The following UGCG variants were observed in gnomAD, a reference collection of about 807,000 sequenced individuals.
UGCG encodes UDP-glucose ceramide glucosyltransferase.
A neutral mutation model predicts 49.5 loss-of-function variants in UGCG; 10 were observed. That is an observed-to-expected ratio of 0.20 (90% CI 0.12 to 0.34). The LOEUF is 0.34. UGCG is among the 10% of genes least tolerant of loss of function. UGCG has a pLI of 1.00. For missense variants in UGCG, 312 were observed against 483.7 expected, an observed-to-expected ratio of 0.65 and a Z score of 3.33; for synonymous variants, 182 against 158.2, an observed-to-expected ratio of 1.15 and a Z score of -1.13.
At chr9:111,907,191 C>T (rs1837902676) in intron 1 of UGCG, among the ~76,000 whole-genome samples, 1 of 152,188 alleles carries the variant, frequency 6.6e-6, no homozygotes, top group African/African-American at 2.4e-5. Context: ...ATGCTTCCAT[C>T]TCTCTTCTCT....
intron 1 of UGCG, among the ~76,000 whole-genome samples, chr9:111,905,964 A>T (rs1399630392): frequency 2.0e-5 from 3 of 152,166 alleles, no homozygotes; most frequent in Non-Finnish European, 2.9e-5. Flanking sequence ...TTGAGAACAT[A>T]CTGTGTATTA....
Position 111,935,053 on chromosome 9 carries a change from T to C in UGCG, c.*2056T>C, listed in dbSNP as rs1027945042. The C allele has an allele frequency of 6.6e-6, 1 of 152,202 alleles. No homozygotes were observed. Among genetic ancestry groups the C allele is most frequent in the Admixed American group, 6.5e-5 (1 of 15,278 alleles). The allele number at this position is 152,202 out of a possible 1,614,324, so 9.4% of individuals were successfully genotyped here. On this transcript the variant is annotated 3_prime_UTR_variant, in exon 9 of 9. Coordinates refer to ENST00000374279, the MANE Select transcript of UGCG (RefSeq NM_003358.3). ...GGACAGTGTAACAACAAAACCAAAA[T>C]GGCTGGACAGACTTCTTGTGTTTTG...
At chr9:111,902,030 G>C (rs940683992) in intron 1 of UGCG, among the ~76,000 whole-genome samples, 1 of 152,184 alleles carries the variant, frequency 6.6e-6, no homozygotes, top group African/African-American at 2.4e-5. Context: ...AACCAGCAAC[G>C]TTGTATTACT....
chr9:111,922,697 A>T (rs185495221), intron 2 of UGCG, 152 bp from the exon 3 acceptor site: 6 of 450,444 alleles, frequency 1.3e-5, no homozygotes, highest in African/African-American at 8.1e-5. Context: ...ACTTGTTATC[A>T]TAAGTGTTTG....
chr9:111,899,103 T>C (rs1337519016), intron 1 of UGCG, among the ~76,000 whole-genome samples: 1 of 152,252 alleles, frequency 6.6e-6, no homozygotes, highest in African/African-American at 2.4e-5. Context: ...GATTTATTTA[T>C]TATTACTGAT....
Position 111,922,845 on chromosome 9 carries a change from C to G in UGCG, c.241-4C>G, listed in dbSNP as rs1838250659. On this transcript the variant is annotated splice_region_variant and splice_polypyrimidine_tract_variant and intron_variant, in intron 2 of 8. Coordinates refer to ENST00000374279, the MANE Select transcript of UGCG (RefSeq NM_003358.3). ...TTAATTTACATACAATGCTTTTTGA[C>G]TAGTATGAAGTGCTCCTTTGTGTAC... 1 of 1,584,116 alleles carries G rather than the reference C, an allele frequency of 6.3e-7. No homozygotes were observed. Among genetic ancestry groups the G allele is most frequent in the Non-Finnish European group, 8.6e-7 (1 of 1,164,404 alleles).
chr9:111,933,214 A>G lies in UGCG; in HGVS notation c.*217A>G, dbSNP rs1838458751. On this transcript the variant is annotated 3_prime_UTR_variant, in exon 9 of 9. Coordinates refer to ENST00000374279, the MANE Select transcript of UGCG (RefSeq NM_003358.3). ...GATACACTTTATTTTGTGGAAGTAGAGAATCAAGAGAATTGGTTCTAGGAA... is the reference window on the plus strand; with the variant it reads ...GATACACTTTATTTTGTGGAAGTAGGGAATCAAGAGAATTGGTTCTAGGAA... 1 of 320,130 alleles carries G rather than the reference A, an allele frequency of 3.1e-6. No individual in the cohort carries two copies. The highest frequency in any genetic ancestry group is 5.3e-6 in the Non-Finnish European group (1 of 190,138). The allele number at this position is 320,130 out of a possible 1,614,324, so 19.8% of individuals were successfully genotyped here.
intron 2 of UGCG, among the ~76,000 whole-genome samples, chr9:111,920,465 A>C (rs62570261): frequency 6.6e-6 from 1 of 151,934 alleles, no homozygotes; most frequent in Non-Finnish European, 1.5e-5. Flanking sequence ...TCCCAGGTTC[A>C]GGCGATTCTC....
rs763312381 is a variant in UGCG at position 111,914,774 on chromosome 9, T to C, written c.240+28T>C. On this transcript the variant is annotated intron_variant, in intron 2 of 8. Transcript: ENST00000374279. ...AAGTTCAGTGTTACGGTTTTTTGTTTTGTTTTGTTTTGTTTTGTTCCCCTC... is the reference window on the plus strand; with the variant it reads ...AAGTTCAGTGTTACGGTTTTTTGTTCTGTTTTGTTTTGTTTTGTTCCCCTC... 5.0e-6 allele frequency: 8 copies of C among 1,587,178 alleles called. No individual in the cohort carries two copies. The Admixed American group carries it at 5.2e-5, about 10-fold the overall frequency.
At chr9:111,931,969 C>T (rs1838433555) in intron 7 of UGCG, 1 of 576,040 alleles carries the variant, frequency 1.7e-6, no homozygotes, top group South Asian at 2.2e-5. Context: ...ATTGAAGCTA[C>T]AGTGAGTGCC....
rs932379457 is a variant in UGCG, at chr9:111,929,559, A to G, written c.618A>G (p.Lys206=). The G allele has an allele frequency of 1.2e-6, 2 of 1,614,058 alleles. No individual in the cohort carries two copies. The highest frequency in any genetic ancestry group is 1.7e-6 in the Non-Finnish European group (2 of 1,180,006). ...TCTCTGCCAATGTAACTGGTTTCAA[A>G]TGTGTGACAGGAATGTCTTGTTTAA... is the stretch of plus-strand genomic sequence containing the variant. ...YYISANVTGF[K]CVTGMSCLMR... Residue 206 remains lysine, a synonymous_variant, in exon 6 of 9, where the codon AAA becomes AAG. Coordinates refer to ENST00000374279, the MANE Select transcript of UGCG (RefSeq NM_003358.3).
In UGCG at chr9:111,897,088, C is replaced by T. The variant is rs1837675414; in HGVS notation, c.-128C>T. The T allele has an allele frequency of 3.1e-6, 2 of 636,406 alleles. No individual in the cohort carries two copies. Among genetic ancestry groups the T allele is most frequent in the South Asian group, 4.2e-5 (2 of 47,338 alleles). The allele number at this position is 636,406 out of a possible 1,614,324, so 39.4% of individuals were successfully genotyped here. On this transcript the variant is annotated 5_prime_UTR_variant, in exon 1 of 9. Coordinates refer to ENST00000374279, the MANE Select transcript of UGCG (RefSeq NM_003358.3). ...CCTTCCGTCCCCACCCCCCTCCGCC[C>T]TTTCCTCTCCCCACCTTCCTCTCGC...
intron 1 of UGCG, among the ~76,000 whole-genome samples, chr9:111,897,653 T>C (rs1837688571): frequency 6.6e-6 from 1 of 152,012 alleles, no homozygotes; most frequent in South Asian, 2.1e-4. Flanking sequence ...ATGTATGGTG[T>C]ATTGTTTTTT....
At chr9:111,916,341 T>C (rs1333402020) in intron 2 of UGCG, among the ~76,000 whole-genome samples, 1 of 152,224 alleles carries the variant, frequency 6.6e-6, no homozygotes, top group East Asian at 1.9e-4. Context: ...TCTTTCACTT[T>C]CCCCATTCAA....
chr9:111,906,620 G>A (rs1837890443), intron 1 of UGCG, among the ~76,000 whole-genome samples: 1 of 151,920 alleles, frequency 6.6e-6, no homozygotes, highest in Non-Finnish European at 1.5e-5. Flanking sequence ...AGTAGAGACG[G>A]GGTTTCACCA....
chr9:111,900,566 G>C (rs1032576870), intron 1 of UGCG, among the ~76,000 whole-genome samples: 2 of 152,038 alleles, frequency 1.3e-5, no homozygotes. Flanking sequence ...GATCTTGGCT[G>C]ACTGCAACCA....
At position 111,932,994 on chromosome 9, in the gene UGCG, A is replaced by C. The variant is rs546531014; in HGVS notation, c.1182A>C (p.Val394=). ...GTACAGCAGAGGAAATCCTAGATGT[A>C]TAACTACAGCTTTGTGACTGTATAT... is the stretch of plus-strand genomic sequence containing the variant. ...CGGTAEEILD[V] Residue 394 remains valine, a synonymous_variant, in exon 9 of 9, where the codon GTA becomes GTC. Coordinates refer to ENST00000374279, the MANE Select transcript of UGCG (RefSeq NM_003358.3). The C allele has an allele frequency of 1.3e-6, 2 of 1,578,660 alleles. No homozygotes were observed. The highest frequency in any genetic ancestry group is 3.5e-5 in the Admixed American group (2 of 56,600).
intron 1 of UGCG, among the ~76,000 whole-genome samples, chr9:111,910,000 C>T (rs1837965919): frequency 6.6e-6 from 1 of 152,160 alleles, no homozygotes; most frequent in Non-Finnish European, 1.5e-5. Flanking sequence ...TAGTACTTAA[C>T]AATTCTCTTT....
chr9:111,898,462 G>C (rs1837708296), intron 1 of UGCG, among the ~76,000 whole-genome samples: 1 of 151,360 alleles, frequency 6.6e-6, no homozygotes, highest in Non-Finnish European at 1.5e-5. Context: ...TATTTTATTA[G>C]TATAGTGTGG....
Sources: gnomAD v4.1 joint callset for allele counts (sites outside exome capture counted in the v4.1 genomes callset) on GRCh38, gnomAD v4.1.1 for gene constraint, MANE v1.5 for transcripts, NCBI Gene and HGNC (gene_info 2026-07-23, HGNC 2026-07-21) for gene names.